The following LTBP4 variants were observed in gnomAD, a reference collection of about 807,000 sequenced individuals.
LTBP4 encodes the protein latent-transforming growth factor beta-binding protein 4.
LTBP4 carries 93 observed loss-of-function variants against 180.2 expected under a neutral mutation model. The observed-to-expected ratio is 0.52, with a 90% CI of 0.44 to 0.61. The LOEUF (loss-of-function observed/expected upper bound fraction) is 0.61, where lower values mean the gene tolerates loss of function less well. LTBP4 is among the 20% of genes least tolerant of loss of function. The probability of loss-of-function intolerance (pLI) is 0.00; values close to 1 mark genes in which losing one functional copy is unlikely to be tolerated. For synonymous variants in LTBP4, 947 were observed against 934.5 expected (o/e 1.01, Z -0.24); for missense variants, 2,116 against 2,256.5 (o/e 0.94, Z 1.26).
chr19:40,629,316 G>C lies in LTBP4; in HGVS notation c.4520-80G>C. 1 of 1,586,354 alleles carries C rather than the reference G, an allele frequency of 6.3e-7. No individual in the cohort carries two copies. The highest frequency in any genetic ancestry group is 1.1e-5 in the South Asian group (1 of 90,558). ...AACTGCTCAGCATCTGTGCTCCTCT[G>C]TTCCAAGAACTTAAGGGGCCAAGGA... On this transcript the variant is annotated intron_variant, in intron 29 of 29. Coordinates refer to ENST00000396819, the MANE Select transcript of LTBP4 (RefSeq NM_001042545.2). The surrounding 1 kb of genome is among the most constrained non-coding windows in gnomAD (Gnocchi z 4.5).
Position 40,619,129 on chromosome 19 carries a change from C to T in LTBP4, c.3071-218C>T, listed in dbSNP as rs115897788. Among the ~76,000 whole-genome samples the T allele has an allele frequency of 6.5e-3, 990 of 152,168 alleles. 6 individuals are homozygous for T. The highest frequency in any genetic ancestry group is 0.023 in the African/African-American group (959 of 41,504). ...ATTCCTGGAACTTGTGCCCACCTCT[C>T]AGAGTAGATATAGCCCTACTCAAAG... On this transcript the variant is annotated intron_variant, in intron 21 of 29. Transcript: ENST00000396819.
chr19:40,622,257 C>A lies in LTBP4; in HGVS notation c.3218-144C>A. The A allele has an allele frequency of 2.5e-6, 2 of 804,884 alleles. No individual in the cohort carries two copies. Among genetic ancestry groups the A allele is most frequent in the Non-Finnish European group, 3.8e-6 (2 of 529,242 alleles). The allele number at this position is 804,884 out of a possible 1,614,324, so 49.9% of individuals were successfully genotyped here. A position where few individuals can be genotyped will look rare whatever the true frequency, so the allele number is the denominator to read the frequency against. On this transcript the variant is annotated intron_variant, in intron 22 of 29. Transcript: ENST00000396819. This position sits in a 1 kb window ranked among gnomAD's most constrained non-coding sequence, Gnocchi z 5.1. ...AGAAAGAGAAACAGTGACAGAGGAG[C>A]GTGAGAGGTGTGGAGTCTGGTTCTG...
intron 1 of LTBP4, among the ~76,000 whole-genome samples, chr19:40,594,078 G>A (rs1183134837): frequency 3.3e-5 from 5 of 151,292 alleles, no homozygotes; most frequent in Non-Finnish European, 7.4e-5. Flanking sequence ...GATTACAGAC[G>A]TGAGCCGGCC....
At position 40,610,529 on chromosome 19, in the gene LTBP4, C is replaced by T. The variant is rs778855331; in HGVS notation, c.1685-3C>T. On this transcript the variant is annotated splice_region_variant and splice_polypyrimidine_tract_variant and intron_variant, in intron 11 of 29. Transcript: ENST00000396819. ...GTCCCAGCCGCCTGGTCTGTGCCTA[C>T]AGATGTGGACGAGTGCCACCGCGTG... is the stretch of plus-strand genomic sequence containing the variant. 1.3e-6 allele frequency: 2 copies of T among 1,593,302 alleles called. No individual in the cohort carries two copies. The highest frequency in any genetic ancestry group is 1.7e-6 in the Non-Finnish European group (2 of 1,175,354).
intron 19 of LTBP4, chr19:40,615,349 C>T (rs2081541614): frequency 6.6e-6 from 1 of 152,192 alleles, no homozygotes; most frequent in African/African-American, 2.4e-5. Flanking sequence ...ATTCACTAAG[C>T]ACCTACTCTA....
intron 1 of LTBP4, among the ~76,000 whole-genome samples, chr19:40,595,922 T>C (rs1432807732): frequency 1.6e-5 from 2 of 126,274 alleles, no homozygotes; most frequent in African/African-American, 6.2e-5. Flanking sequence ...TTTTTTTTTT[T>C]TTTTTTTTTT....
rs750877378 is a variant in LTBP4, at chr19:40,625,984, C to T, written c.3960C>T (p.Cys1320=). Residue 1320 remains cysteine, a synonymous_variant, in exon 27 of 30, where the codon TGC becomes TGT. Coordinates refer to ENST00000396819, the MANE Select transcript of LTBP4 (RefSeq NM_001042545.2). Reference sequence around the variant, plus strand: ...ATGGAGAGGCCTGGGGCATGGACTGCGCCCTCTGCCCTGCGCAGGACTCAG... The same window carrying T: ...ATGGAGAGGCCTGGGGCATGGACTGTGCCCTCTGCCCTGCGCAGGACTCAG... ...CLYGEAWGMD[C]ALCPAQDSDD... The T allele has an allele frequency of 4.5e-5, 72 of 1,606,810 alleles. No homozygotes were observed. The East Asian group carries it at 8.1e-4, about 18-fold the overall frequency.
In LTBP4 at chr19:40,609,470, T is replaced by G; in HGVS notation, c.1427-60T>G. The G allele has an allele frequency of 6.3e-7, 1 of 1,587,878 alleles. No individual in the cohort carries two copies. Among genetic ancestry groups the G allele is most frequent in the East Asian group, 2.3e-5 (1 of 44,204 alleles). On this transcript the variant is annotated intron_variant, in intron 9 of 29. Coordinates refer to ENST00000396819, the MANE Select transcript of LTBP4 (RefSeq NM_001042545.2). The surrounding 1 kb of genome is among the most constrained non-coding windows in gnomAD (Gnocchi z 4.9). ...ATGTCTCCGGGGGTGGGGGTTTTAC[T>G]GGGATGAAAGGAACGGAGGATTCAG...
At chr19:40,617,917 C>T (rs907345681) in intron 21 of LTBP4, among the ~76,000 whole-genome samples, 1 of 152,174 alleles carries the variant, frequency 6.6e-6, no homozygotes, top group Non-Finnish European at 1.5e-5. Context: ...CTTGCTTCCT[C>T]ACATATCTAT....
At position 40,623,650 on chromosome 19, in the gene LTBP4, C is replaced by CGT; in HGVS notation, c.3611_3612dup (p.Asn1205Ter). On this transcript the variant is annotated frameshift_variant, in exon 25 of 30. Transcript: ENST00000396819. LOFTEE classifies it high-confidence loss of function. The stretch of plus-strand genomic sequence containing the variant: ...TCCGAGACCAGGTGTGCAAGAGTGG[C>CGT]GTGTGTGTGAACACGGCCCCGGGCT... The CGT allele has an allele frequency of 6.2e-7, 1 of 1,613,818 alleles. No homozygotes were observed. The highest frequency in any genetic ancestry group is 8.5e-7 in the Non-Finnish European group (1 of 1,179,878).
intron 1 of LTBP4, among the ~76,000 whole-genome samples, chr19:40,593,875 C>T (rs1204920740): frequency 6.6e-6 from 1 of 152,046 alleles, no homozygotes; most frequent in African/African-American, 2.4e-5. Context: ...CTCACCTCAA[C>T]CTCTGCCTCC....
At chr19:40,595,455 A>AG (rs11372733) in intron 1 of LTBP4, among the ~76,000 whole-genome samples, 151,971 of 152,012 alleles carry the variant, frequency 1, 75,965 homozygotes, top group Middle Eastern at 1. Context: ...ATCTGCTCCC[A>AG]GGGGGTCCTG....
In LTBP4 at chr19:40,629,490, C is replaced by G. The variant is rs2081662078; in HGVS notation, c.4614C>G (p.Arg1538=). The G allele has an allele frequency of 6.2e-7, 1 of 1,606,532 alleles. No individual in the cohort carries two copies. The highest frequency in any genetic ancestry group is 1.7e-5 in the Admixed American group (1 of 59,770). ...NTDGSFRCIC[R]PGFAPTHQPH... is the part of the protein sequence containing the mutation. ...ATGGCTCCTTCCGCTGCATCTGCCG[C>G]CCGGGATTCGCACCCACGCACCAGC... The change falls in exon 30 of 30, where the codon CGC becomes CGG. Residue 1538 remains arginine (R), a synonymous_variant. Coordinates refer to ENST00000396819, the MANE Select transcript of LTBP4 (RefSeq NM_001042545.2). The surrounding 1 kb of genome is among the most constrained non-coding windows in gnomAD (Gnocchi z 4.5).
In LTBP4 at chr19:40,624,088, C is replaced by A; in HGVS notation, c.3832+6C>A. The A allele has an allele frequency of 6.5e-7, 1 of 1,536,124 alleles. No individual in the cohort carries two copies. The highest frequency in any genetic ancestry group is 1.4e-5 in the African/African-American group (1 of 73,244). On this transcript the variant is annotated splice_donor_region_variant and intron_variant, in intron 26 of 29. Coordinates refer to ENST00000396819, the MANE Select transcript of LTBP4 (RefSeq NM_001042545.2). ...CAACGAGAGCCAGAGCCTCGGTAAC[C>A]CCGCCCACGCCATCCAGGCCCTCCT... is the stretch of plus-strand genomic sequence containing the variant.
chr19:40,623,587 C>G lies in LTBP4; in HGVS notation c.3557-17C>G, dbSNP rs377175711. ...CCATCCAGCCCGCCCCCATCTCTCT[C>G]TCTGCTTTTCGCACAGACGTGGACG... On this transcript the variant is annotated splice_polypyrimidine_tract_variant and intron_variant, in intron 24 of 29. Transcript: ENST00000396819. 1.7e-5 allele frequency: 28 copies of G among 1,609,058 alleles called. No homozygotes were observed. Among genetic ancestry groups the G allele is most frequent in the Non-Finnish European group, 2.0e-5 (24 of 1,177,274 alleles).
intron 6 of LTBP4, 131 bp downstream of exon 6, chr19:40,606,657 C>T (rs2081465058): frequency 1.8e-6 from 2 of 1,130,532 alleles, no homozygotes; most frequent in South Asian, 3.0e-5. Flanking sequence ...CTTAGAGCCC[C>T]CTCAGAACTT....
rs773744587 is a variant in LTBP4, at chr19:40,619,371, A to G, written c.3095A>G (p.Gln1032Arg). 1.2e-6 allele frequency: 2 copies of G among 1,613,958 alleles called. No individual in the cohort carries two copies. Among genetic ancestry groups the G allele is most frequent in the Non-Finnish European group, 1.7e-6 (2 of 1,179,870 alleles). ...CVDVNECETL[Q>R]GVCGAALCEN... ...GATGTGAACGAGTGTGAAACACTACAGGGTGTATGTGGAGCTGCCCTGTGT... is the reference window on the plus strand; with the variant it reads ...GATGTGAACGAGTGTGAAACACTACGGGGTGTATGTGGAGCTGCCCTGTGT... Residue 1032 changes from glutamine (Q) to arginine (R), a missense_variant, in exon 22 of 30, where the codon CAG becomes CGG. Around this residue, in one of 5 missense-constraint regions of LTBP4, gnomAD observed 278 missense variants for 373.0 expected, o/e 0.75. Transcript: ENST00000396819.
upstream of LTBP4, chr19:40,600,229 A>G (rs2081414296): frequency 1.3e-5 from 14 of 1,106,590 alleles, no homozygotes; most frequent in Non-Finnish European, 1.6e-5. The surrounding 1 kb of genome is among the most constrained non-coding windows in gnomAD (Gnocchi z 4.4). Context: ...TCCGGGCCAG[A>G]TAAAGCCGTC....
chr19:40,615,200 G>GGGC (rs1555737795), intron 19 of LTBP4: 1 of 147,744 alleles, frequency 6.8e-6, no homozygotes, highest in African/African-American at 2.5e-5. Flanking sequence ...CGGCGGGGGG[G>GGGC]GGGGGGCGGT....
Sources: allele counts gnomAD v4.1 joint callset (sites outside exome capture counted in the v4.1 genomes callset), GRCh38; gene constraint gnomAD v4.1.1; regional missense constraint gnomAD v4.1.1; non-coding constraint Gnocchi (gnomAD v3.1); transcripts MANE v1.5; gene names NCBI Gene and HGNC (gene_info 2026-07-23, HGNC 2026-07-21).